Variants in GALNT7 observed in about 807,000 individuals in gnomAD.
The protein encoded by GALNT7 is N-acetylgalactosaminyltransferase 7.
In GALNT7, 60 loss-of-function variants were observed where a neutral mutation model predicts 82.1. The observed-to-expected ratio is 0.73, with a 90% confidence interval of 0.59 to 0.91. The LOEUF (loss-of-function observed/expected upper bound fraction) is 0.91, where lower values mean the gene tolerates loss of function less well. Ranked by LOEUF, GALNT7 falls within the 40% of genes least tolerant of loss-of-function variation. The pLI, the probability that GALNT7 is intolerant of heterozygous loss-of-function variation, is 0.00. For synonymous variants in GALNT7, 243 were observed against 275.1 expected, an observed-to-expected ratio of 0.88 and a Z score of 1.15; for missense variants, 660 against 804.2, an observed-to-expected ratio of 0.82 and a Z score of 2.17.
At chr4:173,220,210 A>G (rs1239235141) in intron 1 of GALNT7, among the ~76,000 whole-genome samples, 1 of 152,188 alleles carries the variant, frequency 6.6e-6, no homozygotes, top group Non-Finnish European at 1.5e-5. Flanking sequence ...ATTCTTTTAC[A>G]TGTGATTTGC....
chr4:173,317,799 A>T, intron 10 of GALNT7, 67 bp downstream of exon 10: 1 of 964,458 alleles, frequency 1.0e-6, no homozygotes, highest in Non-Finnish European at 1.7e-6. Context: ...TTGATCACAG[A>T]GTGATCTTTG....
At chr4:173,206,888 C>T (rs889705091) in intron 1 of GALNT7, among the ~76,000 whole-genome samples, 1 of 152,192 alleles carries the variant, frequency 6.6e-6, no homozygotes, top group Admixed American at 6.5e-5. Context: ...CTACCCCTGG[C>T]TACAATTGTC....
intron 1 of GALNT7, among the ~76,000 whole-genome samples, chr4:173,245,850 G>C (rs1307604656): frequency 6.6e-6 from 1 of 152,078 alleles, no homozygotes; most frequent in Non-Finnish European, 1.5e-5. Context: ...TCCTGAATAT[G>C]ATTTCCAAAA....
chr4:173,268,530 GTTTTT>G (rs60894562), intron 2 of GALNT7, among the ~76,000 whole-genome samples: 15 of 52,364 alleles, frequency 2.9e-4, no homozygotes, highest in South Asian at 1.1e-3. Flanking sequence ...TTTCTCTCTC[GTTTTT>G]TTTTTTTTTT....
chr4:173,215,928 G>C (rs970190889), intron 1 of GALNT7, among the ~76,000 whole-genome samples: 2 of 152,092 alleles, frequency 1.3e-5, no homozygotes, highest in African/African-American at 4.8e-5. Context: ...GGGCAACATG[G>C]TGAAACCCCT....
In GALNT7 at chr4:173,292,493, G is replaced by A. The variant is rs574471815; in HGVS notation, c.754+219G>A. ...GGATATCATTATGTCCATTTTACAC[G>A]CTCAGAGATGTACAAGTAGTACACA... On this transcript the variant is annotated intron_variant, in intron 3 of 11. Coordinates refer to ENST00000265000, the MANE Select transcript of GALNT7 (RefSeq NM_017423.3). The surrounding 1 kb of genome is among the most constrained non-coding windows in gnomAD (Gnocchi z 4.8). Among the ~76,000 whole-genome samples the A allele has an allele frequency of 3.9e-5, 6 of 152,180 alleles. No homozygotes were observed. The highest frequency in any genetic ancestry group is 9.6e-5 in the African/African-American group (4 of 41,518).
intron 1 of GALNT7, among the ~76,000 whole-genome samples, chr4:173,236,617 G>A (rs918816375): frequency 6.6e-6 from 1 of 152,126 alleles, no homozygotes; most frequent in African/African-American, 2.4e-5. Flanking sequence ...TATAGCAAAT[G>A]ATTTGGCATT....
At chr4:173,223,073 CTTG>C (rs1479602266) in intron 1 of GALNT7, among the ~76,000 whole-genome samples, 1 of 152,114 alleles carries the variant, frequency 6.6e-6, no homozygotes, top group Non-Finnish European at 1.5e-5. Context: ...CTAGGAAACA[CTTG>C]TACTTAGATG....
At chr4:173,289,601 C>A (rs951272578) in intron 2 of GALNT7, among the ~76,000 whole-genome samples, 1 of 152,210 alleles carries the variant, frequency 6.6e-6, no homozygotes, top group African/African-American at 2.4e-5. Context: ...CCTCTAGGCA[C>A]GCACAAAGTG....
At chr4:173,279,446 G>C (rs1736031786) in intron 2 of GALNT7, among the ~76,000 whole-genome samples, 1 of 152,178 alleles carries the variant, frequency 6.6e-6, no homozygotes, top group Admixed American at 6.5e-5. Flanking sequence ...ATTTTAACAT[G>C]AGATTTGTGG....
chr4:173,190,405 C>T (rs1270826500), intron 1 of GALNT7, among the ~76,000 whole-genome samples: 2 of 152,168 alleles, frequency 1.3e-5, no homozygotes, highest in Non-Finnish European at 1.5e-5. Flanking sequence ...TGGGAGGAAT[C>T]GTAGTCTTTG....
chr4:173,269,134 T>C (rs1327379021), intron 2 of GALNT7, among the ~76,000 whole-genome samples: 1 of 152,156 alleles, frequency 6.6e-6, no homozygotes, highest in African/African-American at 2.4e-5. Context: ...TGTCTTATTA[T>C]AGGGGCACTC....
chr4:173,178,048 TGTGTGCGCGCAC>T (rs1432902727), intron 1 of GALNT7, among the ~76,000 whole-genome samples: 4 of 113,698 alleles, frequency 3.5e-5, no homozygotes, highest in South Asian at 6.1e-4. Context: ...TGTGTGTGTG[TGTGTGCGCGCAC>T]GCGCGTGCGC....
rs139776434 is a variant in GALNT7, at chr4:173,247,480, T to C, written c.127-500T>C. 2.6e-5 allele frequency among the ~76,000 whole-genome samples: 4 copies of C among 152,068 alleles called. No individual in the cohort carries two copies. In the East Asian group the frequency reaches 7.8e-4, roughly 29 times the overall value. ...CGGGACTCTGCATATCCCCGCCTTG[T>C]TCCTCTGCCATTTGGGGCACTGAGC... On this transcript the variant is annotated intron_variant, in intron 1 of 11. Transcript: ENST00000265000.
intron 8 of GALNT7, among the ~76,000 whole-genome samples, chr4:173,309,020 CATAA>C (rs1430932809): frequency 1.3e-5 from 2 of 152,078 alleles, no homozygotes; most frequent in African/African-American, 4.8e-5. Context: ...TCTCCTATGC[CATAA>C]ATATAGAACT....
chr4:173,194,048 T>C (rs1222205277), intron 1 of GALNT7, among the ~76,000 whole-genome samples: 1 of 152,214 alleles, frequency 6.6e-6, no homozygotes, highest in Non-Finnish European at 1.5e-5. Flanking sequence ...TATTTGTAAA[T>C]GGATTTAAAG....
rs754131612 is a variant in GALNT7 at position 173,168,813 on chromosome 4, G to A, written c.-23G>A. 1 of 1,607,550 alleles carries A rather than the reference G, an allele frequency of 6.2e-7. No homozygotes were observed. Among genetic ancestry groups the A allele is most frequent in the South Asian group, 1.1e-5 (1 of 90,494 alleles). ...GGTGGCGGCGGCTGCGCCGGGCTGT[G>A]AGTCTCTCGCCGCCGGAGGAAGATG... On this transcript the variant is annotated 5_prime_UTR_variant, in exon 1 of 12. Transcript: ENST00000265000.
rs959569123 is a variant in GALNT7, at chr4:173,321,865, A to C, written c.*148A>C. On this transcript the variant is annotated 3_prime_UTR_variant, in exon 12 of 12. Transcript: ENST00000265000. ...TGATCAGTTTGAAGGACATTGATAAACTGTGATTTTACAATAACATTATCA... is the reference window on the plus strand; with the variant it reads ...TGATCAGTTTGAAGGACATTGATAACCTGTGATTTTACAATAACATTATCA... The C allele has an allele frequency of 1.6e-5, 9 of 556,816 alleles. No homozygotes were observed. The Admixed American group carries it at 2.1e-4, about 13-fold the overall frequency. The allele number at this position is 556,816 out of a possible 1,614,324, so 34.5% of individuals were successfully genotyped here. A position where few individuals can be genotyped will look rare whatever the true frequency, so the allele number is the denominator to read the frequency against.
At chr4:173,309,856 G>T (rs534287045) in intron 8 of GALNT7, among the ~76,000 whole-genome samples, 4 of 152,106 alleles carry the variant, frequency 2.6e-5, no homozygotes, top group African/African-American at 9.7e-5. Flanking sequence ...GATTGACATT[G>T]CAGGAAATTC....
Sources: allele counts gnomAD v4.1 joint callset (sites outside exome capture counted in the v4.1 genomes callset), GRCh38; gene constraint gnomAD v4.1.1; non-coding constraint Gnocchi (gnomAD v3.1); transcripts MANE v1.5; gene names NCBI Gene and HGNC (gene_info 2026-07-23, HGNC 2026-07-21).